The following ABCG2 variants were observed in gnomAD, a reference collection of about 807,000 sequenced individuals.
ABCG2 encodes the protein broad substrate specificity ATP-binding cassette transporter ABCG2.
ABCG2 carries 80 observed loss-of-function variants against 73.5 expected under a neutral mutation model. The observed-to-expected ratio is 1.09, with a 90% CI of 0.91 to 1.31. The LOEUF is 1.31. Ranked by LOEUF, ABCG2 falls within the 50% of genes most tolerant of loss-of-function variation. The pLI, the probability that ABCG2 is intolerant of heterozygous loss-of-function variation, is 0.00. For synonymous variants in ABCG2, 269 were observed against 282.4 expected, an observed-to-expected ratio of 0.95 and a Z score of 0.48; for missense variants, 796 against 786.2, an observed-to-expected ratio of 1.01 and a Z score of -0.15.
intron 1 of ABCG2, among the ~76,000 whole-genome samples, chr4:88,200,194 C>T (rs963220243): frequency 1.3e-4 from 20 of 151,986 alleles, no homozygotes; most frequent in African/African-American, 4.6e-4. Context: ...GGTGTGGTGA[C>T]GCACACACTG....
At chr4:88,178,351 C>A (rs558189963) in intron 1 of ABCG2, among the ~76,000 whole-genome samples, 4 of 152,114 alleles carry the variant, frequency 2.6e-5, no homozygotes, top group African/African-American at 9.7e-5. Context: ...AAACACAGTC[C>A]TGGCAGGATT....
At chr4:88,193,335 T>G (rs1319357561) in intron 1 of ABCG2, among the ~76,000 whole-genome samples, 2 of 152,106 alleles carry the variant, frequency 1.3e-5, no homozygotes. Context: ...TTTCTCAATA[T>G]TGTACGATCA....
At chr4:88,168,088 G>C (rs1316983528) in intron 1 of ABCG2, among the ~76,000 whole-genome samples, 1 of 151,590 alleles carries the variant, frequency 6.6e-6, no homozygotes, top group Admixed American at 6.6e-5. Context: ...GCAGGGGATT[G>C]TGGGGGTAGT....
At chr4:88,220,841 C>T (rs1226360830) in intron 1 of ABCG2, among the ~76,000 whole-genome samples, 1 of 152,190 alleles carries the variant, frequency 6.6e-6, no homozygotes, top group African/African-American at 2.4e-5. Flanking sequence ...CCCCTCTTTG[C>T]TCAGCACTTC....
At chr4:88,138,777 GC>G (rs1725415281) in intron 2 of ABCG2, among the ~76,000 whole-genome samples, 1 of 152,224 alleles carries the variant, frequency 6.6e-6, no homozygotes, top group Non-Finnish European at 1.5e-5. Context: ...ATTTTTATGA[GC>G]CTAGTAAGGA....
intron 1 of ABCG2, among the ~76,000 whole-genome samples, chr4:88,143,923 C>G (rs1725800893): frequency 6.6e-6 from 1 of 152,080 alleles, no homozygotes; most frequent in Admixed American, 6.6e-5. Flanking sequence ...CTCAAAGTGC[C>G]CGATCTCTAA....
At chr4:88,117,445 T>A (rs1380718199) in intron 7 of ABCG2, among the ~76,000 whole-genome samples, 1 of 152,056 alleles carries the variant, frequency 6.6e-6, no homozygotes, top group Non-Finnish European at 1.5e-5. Context: ...TCCTCCTGGC[T>A]AACAGGGTGA....
chr4:88,158,001 T>C (rs983226696), intron 1 of ABCG2, among the ~76,000 whole-genome samples: 5 of 152,216 alleles, frequency 3.3e-5, no homozygotes, highest in African/African-American at 1.2e-4. Flanking sequence ...ATTGACCAAT[T>C]CCTATATTGG....
At chr4:88,216,030 C>A (rs1315982584) in intron 1 of ABCG2, among the ~76,000 whole-genome samples, 1 of 152,148 alleles carries the variant, frequency 6.6e-6, no homozygotes, top group Non-Finnish European at 1.5e-5. Context: ...CTAGCTTGCA[C>A]ATTATGGATC....
intron 1 of ABCG2, among the ~76,000 whole-genome samples, chr4:88,207,724 T>C (rs1339666005): frequency 6.6e-6 from 1 of 152,096 alleles, no homozygotes; most frequent in Admixed American, 6.6e-5. Context: ...TTTTTATTTT[T>C]AGTAGAGACG....
At chr4:88,213,892 A>C (rs1253710878) in intron 1 of ABCG2, among the ~76,000 whole-genome samples, 1 of 151,226 alleles carries the variant, frequency 6.6e-6, no homozygotes, top group Non-Finnish European at 1.5e-5. Flanking sequence ...CATGTTGGCA[A>C]GGATGGTCTT....
At chr4:88,120,946 T>C (rs1578197736) in intron 6 of ABCG2, among the ~76,000 whole-genome samples, 1 of 152,304 alleles carries the variant, frequency 6.6e-6, no homozygotes, top group East Asian at 1.9e-4. Flanking sequence ...GTAATAATTA[T>C]AATAACAATA....
upstream of ABCG2, among the ~76,000 whole-genome samples, chr4:88,159,810 G>C (rs112137154): frequency 0.013 from 2,046 of 152,196 alleles, 23 homozygotes; most frequent in Middle Eastern, 0.041. Flanking sequence ...CATACCGCAT[G>C]CTTTTTAAAA....
At chr4:88,226,473 T>C (rs1206525074) in intron 1 of ABCG2, among the ~76,000 whole-genome samples, 1 of 152,204 alleles carries the variant, frequency 6.6e-6, no homozygotes, top group Non-Finnish European at 1.5e-5. Context: ...TATTGTAAAG[T>C]ATAATTATTG....
At chr4:88,095,013 A>T (rs1250790077) in intron 14 of ABCG2, among the ~76,000 whole-genome samples, 1 of 152,200 alleles carries the variant, frequency 6.6e-6, no homozygotes, top group African/African-American at 2.4e-5. Flanking sequence ...ATTTACAGTG[A>T]CAATCTTTCG....
intron 5 of ABCG2, among the ~76,000 whole-genome samples, chr4:88,122,842 T>A (rs938046895): frequency 6.6e-6 from 1 of 151,984 alleles, no homozygotes; most frequent in African/African-American, 2.4e-5. Context: ...CTCAAATGGG[T>A]CCTTGACCCC....
At chr4:88,212,298 C>T (rs1159851275) in intron 1 of ABCG2, among the ~76,000 whole-genome samples, 1 of 152,172 alleles carries the variant, frequency 6.6e-6, no homozygotes, top group Non-Finnish European at 1.5e-5. Flanking sequence ...TACACTTTAA[C>T]ACTGACTACC....
intron 9 of ABCG2, among the ~76,000 whole-genome samples, chr4:88,110,521 C>T (rs559739245): frequency 6.6e-5 from 10 of 151,846 alleles, no homozygotes; most frequent in Non-Finnish European, 1.2e-4. Context: ...CCAGCCTGGG[C>T]GACAGAGCAT....
At chr4:88,178,420 A>T (rs576969037) in intron 1 of ABCG2, among the ~76,000 whole-genome samples, 2 of 152,314 alleles carry the variant, frequency 1.3e-5, no homozygotes, top group South Asian at 4.1e-4. Flanking sequence ...GTACCCAGGC[A>T]GTACTTGTTG....
Sources: gnomAD v4.1 joint callset for allele counts (sites outside exome capture counted in the v4.1 genomes callset) on GRCh38, gnomAD v4.1.1 for gene constraint, MANE v1.5 for transcripts, NCBI Gene and HGNC (gene_info 2026-07-23, HGNC 2026-07-21) for gene names.